The following TAOK3 variants were observed in gnomAD, a reference collection of about 807,000 sequenced individuals.
TAOK3 encodes TAO kinase 3.
A neutral mutation model predicts 120.4 loss-of-function variants in TAOK3; 40 were observed. The ratio of observed to expected loss-of-function variants is 0.33; its 90% CI spans 0.26 to 0.43. The LOEUF is 0.43. TAOK3 is among the 20% of genes least tolerant of loss of function. The pLI is 1.00. For missense variants in TAOK3, 821 were observed against 1,112.1 expected, an observed-to-expected ratio of 0.74 and a Z score of 3.72; for synonymous variants, 355 against 387.5, an observed-to-expected ratio of 0.92 and a Z score of 0.99.
At chr12:118,163,814 C>A (rs973808509) in intron 17 of TAOK3, among the ~76,000 whole-genome samples, 5 of 152,042 alleles carry the variant, frequency 3.3e-5, no homozygotes, top group African/African-American at 1.2e-4. Flanking sequence ...CAGGTTCAAG[C>A]AATTCTCCTG....
chr12:118,363,304 A>T (rs1184708124), intron 1 of TAOK3, among the ~76,000 whole-genome samples: 2 of 152,096 alleles, frequency 1.3e-5, no homozygotes, highest in Admixed American at 1.3e-4. Flanking sequence ...ATATCTTACA[A>T]TTGCACACAG....
At chr12:118,253,808 C>G (rs984713251) in intron 3 of TAOK3, among the ~76,000 whole-genome samples, 2 of 149,730 alleles carry the variant, frequency 1.3e-5, no homozygotes, top group African/African-American at 4.9e-5. Context: ...AATCCCACCA[C>G]TTTGGGAGGC....
At position 118,199,056 on chromosome 12, in the gene TAOK3, T is replaced by G. The variant is rs201098981; in HGVS notation, c.1189A>C (p.Lys397Gln). The G allele has an allele frequency of 6.3e-5, 101 of 1,614,068 alleles. No individual in the cohort carries two copies. Among genetic ancestry groups the G allele is most frequent in the Middle Eastern group, 1.6e-4 (1 of 6,084 alleles). ...GAGGGTACCAAGAAACCTACTTTCT[T>G]ATGCACGACGGAGGAGCTGGAATTG... ...TINSSSSVVH[K>Q]KDHVFIRDEA... Residue 397 changes from lysine to glutamine, a missense_variant, in exon 13 of 21, where the codon AAG becomes CAG. Lys to Gln is a moderately conservative substitution (Grantham distance 53, BLOSUM62 1). Coordinates refer to ENST00000392533, the MANE Select transcript of TAOK3 (RefSeq NM_016281.4).
chr12:118,159,858 G>C, intron 19 of TAOK3: 1 of 418,060 alleles, frequency 2.4e-6, no homozygotes, highest in Admixed American at 4.1e-5. Flanking sequence ...TTTCATAAAT[G>C]AACACATGGT....
At position 118,226,903 on chromosome 12, in the gene TAOK3, A is replaced by G. The variant is rs537720754; in HGVS notation, c.643+6771T>C. ...CTCTTGGGGTCTGTACTTGTGTCCA[A>G]TGTCAACTGCTGTTGACATTTTAGT... is the stretch of plus-strand genomic sequence containing the variant. On this transcript the variant is annotated intron_variant, in intron 9 of 20. Transcript: ENST00000392533. 4.6e-5 allele frequency among the ~76,000 whole-genome samples: 7 copies of G among 152,290 alleles called. No individual in the cohort carries two copies. In the East Asian group the frequency reaches 1.2e-3, roughly 25 times the overall value.
chr12:118,244,766 G>A (rs2040415142), intron 4 of TAOK3, 128 bp downstream of exon 4: 3 of 606,400 alleles, frequency 4.9e-6, no homozygotes, highest in Non-Finnish European at 9.1e-6. Context: ...CCGACCTCGT[G>A]AGCCGCCCAC....
chr12:118,201,181 A>T lies in TAOK3; in HGVS notation c.987+115T>A, dbSNP rs150811573. 8,495 of 981,308 alleles carry T rather than the reference A, an allele frequency of 8.7e-3. 71 individuals are homozygous for T. Among genetic ancestry groups the T allele is most frequent in the Middle Eastern group, 0.03 (88 of 2,978 alleles). 60.8% of individuals were successfully genotyped at this position (981,308 alleles called of 1,614,324 possible). ...TCTTGTACAACCCTTCATGTTTCTTAAGGCGGACAGCATCAATTAATTTTT... is the reference window on the plus strand; with the variant it reads ...TCTTGTACAACCCTTCATGTTTCTTTAGGCGGACAGCATCAATTAATTTTT... On this transcript the variant is annotated intron_variant, in intron 12 of 20. Coordinates refer to ENST00000392533, the MANE Select transcript of TAOK3 (RefSeq NM_016281.4).
chr12:118,227,296 T>C (rs1258310231), intron 9 of TAOK3, among the ~76,000 whole-genome samples: 2 of 147,684 alleles, frequency 1.4e-5, no homozygotes, highest in Non-Finnish European at 3.0e-5. Context: ...TAAATTTATA[T>C]ATAAAATATA....
chr12:118,216,447 T>C (rs1264565972), intron 9 of TAOK3, among the ~76,000 whole-genome samples: 1 of 152,216 alleles, frequency 6.6e-6, no homozygotes, highest in East Asian at 1.9e-4. Context: ...AAAGAAATCA[T>C]AAGCTCTAAG....
chr12:118,198,042 A>G (rs976673049), intron 13 of TAOK3, among the ~76,000 whole-genome samples: 3 of 152,062 alleles, frequency 2.0e-5, no homozygotes, highest in Non-Finnish European at 4.4e-5. Context: ...CTCTTGGTAG[A>G]TTTCTGCATC....
intron 1 of TAOK3, among the ~76,000 whole-genome samples, chr12:118,365,564 GAT>G (rs2045720585): frequency 2.6e-5 from 4 of 152,098 alleles, no homozygotes; most frequent in African/African-American, 9.7e-5. Flanking sequence ...GTACCTTTTA[GAT>G]ATATGTATTT....
rs150076021 is a variant in TAOK3, at chr12:118,243,739, C to T, written c.193-223G>A. Among the ~76,000 whole-genome samples the T allele has an allele frequency of 2.3e-3, 345 of 152,262 alleles. 1 individual carries two copies. Among genetic ancestry groups the T allele is most frequent in the African/African-American group, 8.1e-3 (338 of 41,532 alleles). ...TCGCCCAGGCTGGACTGCAGTGGCA[C>T]GATCTCGGCTCACTGCAACCTCTGC... On this transcript the variant is annotated intron_variant, in intron 4 of 20. Coordinates refer to ENST00000392533, the MANE Select transcript of TAOK3 (RefSeq NM_016281.4).
intron 1 of TAOK3, among the ~76,000 whole-genome samples, chr12:118,317,080 T>C (rs1456716627): frequency 6.6e-6 from 1 of 151,852 alleles, no homozygotes; most frequent in Non-Finnish European, 1.5e-5. Context: ...CTGGCCAACA[T>C]GGCGAAGCCC....
At chr12:118,281,000 G>A (rs972644312) in intron 1 of TAOK3, among the ~76,000 whole-genome samples, 2 of 152,064 alleles carry the variant, frequency 1.3e-5, no homozygotes, top group African/African-American at 2.4e-5. Context: ...TCTTGGCTTG[G>A]ACGCTCTTCA....
intron 1 of TAOK3, among the ~76,000 whole-genome samples, chr12:118,286,612 C>T (rs577198527): frequency 5.3e-5 from 8 of 150,934 alleles, no homozygotes; most frequent in South Asian, 4.2e-4. Context: ...CACTTCTGCA[C>T]GGCTGGTGGG....
At chr12:118,268,845 C>A (rs1361632971) in intron 1 of TAOK3, among the ~76,000 whole-genome samples, 2 of 152,004 alleles carry the variant, frequency 1.3e-5, no homozygotes, top group Non-Finnish European at 2.9e-5. Flanking sequence ...CCTGTCTCTA[C>A]TAAAAATACA....
intron 17 of TAOK3, among the ~76,000 whole-genome samples, chr12:118,168,285 T>C (rs897644960): frequency 6.6e-6 from 1 of 152,172 alleles, no homozygotes; most frequent in African/African-American, 2.4e-5. Flanking sequence ...TAGTTAACAA[T>C]GTTGTATTAC....
intron 1 of TAOK3, among the ~76,000 whole-genome samples, chr12:118,336,955 G>A (rs948462390): frequency 5.3e-5 from 8 of 152,190 alleles, no homozygotes; most frequent in African/African-American, 1.9e-4. Context: ...AACTACTGGG[G>A]AGGCGGAGGC....
intron 9 of TAOK3, among the ~76,000 whole-genome samples, chr12:118,219,990 C>T (rs957013165): frequency 4.6e-5 from 7 of 151,198 alleles, no homozygotes; most frequent in African/African-American, 1.5e-4. Context: ...TTTCCTCCCT[C>T]TCTCTTTCTC....
Sources: gnomAD v4.1 joint callset for allele counts (sites outside exome capture counted in the v4.1 genomes callset) on GRCh38, gnomAD v4.1.1 for gene constraint, MANE v1.5 for transcripts, NCBI Gene and HGNC (gene_info 2026-07-23, HGNC 2026-07-21) for gene names.